CDH13: variants seen among roughly 807,000 people sequenced by gnomAD.
The protein encoded by CDH13 is cadherin-13.
CDH13 carries 24 observed loss-of-function variants against 63.8 expected under a neutral mutation model. The ratio of observed to expected loss-of-function variants is 0.38; its 90% confidence interval spans 0.27 to 0.53. The LOEUF is 0.53. Among genes scored for constraint, CDH13 ranks in the 20% least tolerant of loss-of-function variants. The pLI is 0.85. For synonymous variants in CDH13, 503 were observed against 355.3 expected (o/e 1.42, Z -4.67); for missense variants, 1,049 against 903.1 (o/e 1.16, Z -2.07).
intron 6 of CDH13, among the ~76,000 whole-genome samples, chr16:83,413,604 A>G (rs2092158437): frequency 6.6e-6 from 1 of 152,182 alleles, no homozygotes. Flanking sequence ...CTTAAAGAGA[A>G]ATAGTGTCCT....
intron 7 of CDH13, among the ~76,000 whole-genome samples, chr16:83,521,780 G>A (rs534827355): frequency 2.0e-5 from 3 of 152,236 alleles, no homozygotes; most frequent in South Asian, 4.1e-4. Context: ...GAGTTAGAGG[G>A]GCCTGGCTAG....
At chr16:83,724,198 AT>A (rs1910075355) in intron 10 of CDH13, among the ~76,000 whole-genome samples, 1 of 120,958 alleles carries the variant, frequency 8.3e-6, no homozygotes, top group African/African-American at 2.7e-5. Flanking sequence ...TGGGTGGGTG[AT>A]GAATGCATGG....
At chr16:83,580,369 T>C (rs1905450410) in intron 7 of CDH13, among the ~76,000 whole-genome samples, 1 of 151,804 alleles carries the variant, frequency 6.6e-6, no homozygotes, top group South Asian at 2.1e-4. Context: ...TAGTAATTGA[T>C]TAAATTGGTC....
At chr16:82,779,396 C>T (rs111689284) in intron 1 of CDH13, among the ~76,000 whole-genome samples, 3 of 152,168 alleles carry the variant, frequency 2.0e-5, no homozygotes, top group Non-Finnish European at 4.4e-5. Context: ...TGTGCAGGTC[C>T]AAGCGTCCAC....
chr16:83,256,221 T>A (rs1254368505), intron 5 of CDH13, among the ~76,000 whole-genome samples: 1 of 151,982 alleles, frequency 6.6e-6, no homozygotes, highest in Non-Finnish European at 1.5e-5. Context: ...TTTGTAGAGA[T>A]GGGATTTTGC....
chr16:83,681,956 T>C (rs1221381480), intron 10 of CDH13, among the ~76,000 whole-genome samples: 1 of 152,210 alleles, frequency 6.6e-6, no homozygotes, highest in Non-Finnish European at 1.5e-5. Context: ...AAAAGAACTC[T>C]TCCTTCTTCT....
intron 3 of CDH13, among the ~76,000 whole-genome samples, chr16:83,091,211 C>G (rs529497120): frequency 3.2e-4 from 49 of 151,506 alleles, no homozygotes; most frequent in Non-Finnish European, 6.5e-4. Flanking sequence ...CCTTTCTTTT[C>G]TCCTTCTCCT....
At chr16:83,681,188 G>A (rs190867217) in intron 10 of CDH13, among the ~76,000 whole-genome samples, 87 of 152,112 alleles carry the variant, frequency 5.7e-4, no homozygotes, top group African/African-American at 1.7e-3. Flanking sequence ...GCGGCTACCC[G>A]AGGAAGTGCG....
chr16:83,017,273 C>T (rs1914900092), intron 2 of CDH13, among the ~76,000 whole-genome samples: 2 of 152,148 alleles, frequency 1.3e-5, no homozygotes, highest in African/African-American at 4.8e-5. Context: ...TGGATTTTTG[C>T]TGATGGATTT....
chr16:83,479,678 C>T (rs1286724659), intron 6 of CDH13, among the ~76,000 whole-genome samples: 4 of 151,992 alleles, frequency 2.6e-5, no homozygotes, highest in Non-Finnish European at 4.4e-5. Context: ...TTACATTTCT[C>T]CATTACTTAC....
chr16:83,316,131 G>A (rs2090099861), intron 5 of CDH13, among the ~76,000 whole-genome samples: 1 of 152,088 alleles, frequency 6.6e-6, no homozygotes. Context: ...CCCTGATAAA[G>A]CCATCAGATC....
Position 83,365,534 on chromosome 16 carries a change from C to G in CDH13, c.781+20528C>G, listed in dbSNP as rs568013405. Among the ~76,000 whole-genome samples, 17 of 152,286 alleles carry G rather than the reference C, an allele frequency of 1.1e-4. 1 individual carries two copies. The South Asian group carries it at 2.7e-3, about 24-fold the overall frequency. ...AGGCCAAATGTTGGCCCCATGATCT[C>G]CACCTCCTGGCATTACTCCTGCAGT... On this transcript the variant is annotated intron_variant, in intron 6 of 13. Transcript: ENST00000567109.
chr16:83,119,092 T>G (rs568729892), intron 3 of CDH13, among the ~76,000 whole-genome samples: 1 of 152,290 alleles, frequency 6.6e-6, no homozygotes, highest in Admixed American at 6.5e-5. Context: ...CTGTTCATGG[T>G]CAAGCCTAGC....
intron 4 of CDH13, among the ~76,000 whole-genome samples, chr16:83,174,986 T>G (rs886693832): frequency 6.6e-6 from 1 of 151,984 alleles, no homozygotes; most frequent in Non-Finnish European, 1.5e-5. Context: ...CCCTGACACA[T>G]GGGGATTAAA....
intron 10 of CDH13, among the ~76,000 whole-genome samples, chr16:83,685,977 A>G: frequency 6.6e-6 from 1 of 152,176 alleles, no homozygotes; most frequent in East Asian, 1.9e-4. Context: ...TTTATGTAGA[A>G]CTTTACCAAA....
intron 2 of CDH13, among the ~76,000 whole-genome samples, chr16:82,897,330 T>C (rs2041304407): frequency 2.6e-5 from 4 of 152,156 alleles, no homozygotes; most frequent in Admixed American, 2.6e-4. Flanking sequence ...TGAGGTGCAT[T>C]TCCATGGCCA....
At position 82,672,999 on chromosome 16, in the gene CDH13, C is replaced by CTTTTTTTTTTTTTTTT. The variant is rs562942948; in HGVS notation, c.45+45867_45+45882dup. 5.3e-4 allele frequency among the ~76,000 whole-genome samples: 43 copies of CTTTTTTTTTTTTTTTT among 81,264 alleles called. 1 individual carries two copies. Among genetic ancestry groups the CTTTTTTTTTTTTTTTT allele is most frequent in the Non-Finnish European group, 7.9e-4 (37 of 46,870 alleles). The allele number at this position is 81,264 out of a possible 152,430, so 53.3% of individuals were successfully genotyped here. ...GTATGGCTAATTTTTATAAAGTTTT[C>CTTTTTTTTTTTTTTTT]TTTTTTTTTTTTTTTTTTTTGTAGA... On this transcript the variant is annotated intron_variant, in intron 1 of 13. Transcript: ENST00000567109.
At chr16:83,742,218 T>C (rs393811) in intron 10 of CDH13, among the ~76,000 whole-genome samples, 149,189 of 152,328 alleles carry the variant, frequency 0.98, 73,143 homozygotes, top group Middle Eastern at 1. Flanking sequence ...TTCCCTGCTC[T>C]GAGGGGGCCC....
intron 1 of CDH13, among the ~76,000 whole-genome samples, chr16:82,656,384 C>G (rs1455760805): frequency 6.6e-6 from 1 of 151,778 alleles, no homozygotes; most frequent in African/African-American, 2.4e-5. Context: ...CAGGTTGGCA[C>G]CTGGTAGCAT....
Sources: allele counts gnomAD v4.1 joint callset (sites outside exome capture counted in the v4.1 genomes callset), GRCh38; gene constraint gnomAD v4.1.1; transcripts MANE v1.5; gene names NCBI Gene and HGNC (gene_info 2026-07-23, HGNC 2026-07-21).